Variants in ADGRL2 observed in about 807,000 individuals in gnomAD.
ADGRL2 encodes calcium-independent alpha-latrotoxin receptor 2.
A neutral mutation model predicts 157.4 loss-of-function variants in ADGRL2; 44 were observed. That is an observed-to-expected ratio of 0.28 (90% CI 0.22 to 0.36). The LOEUF is 0.36. ADGRL2 is among the 10% of genes least tolerant of loss of function. The pLI, the probability that ADGRL2 is intolerant of heterozygous loss-of-function variation, is 1.00. For synonymous variants in ADGRL2, 585 were observed against 624.7 expected (o/e 0.94, Z 0.95); for missense variants, 1,510 against 1,768.9 (o/e 0.85, Z 2.63).
intron 2 of ADGRL2, among the ~76,000 whole-genome samples, chr1:81,781,536 C>T (rs765428734): frequency 3.9e-5 from 6 of 152,116 alleles, no homozygotes; most frequent in Non-Finnish European, 5.9e-5. Flanking sequence ...TTTACTGTTA[C>T]GCACCTTAAG....
chr1:81,336,504 C>T (rs1488353173), intron 1 of ADGRL2, among the ~76,000 whole-genome samples: 1 of 152,058 alleles, frequency 6.6e-6, no homozygotes, highest in African/African-American at 2.4e-5. Flanking sequence ...TTCTTAATTG[C>T]ACTTGTAATA....
intron 1 of ADGRL2, among the ~76,000 whole-genome samples, chr1:81,426,052 G>A (rs2077209076): frequency 6.6e-6 from 1 of 151,982 alleles, no homozygotes; most frequent in African/African-American, 2.4e-5. Context: ...TTTGACCAAA[G>A]TTTCATGTGG....
At chr1:81,574,474 T>A (rs754116479) in intron 2 of ADGRL2, among the ~76,000 whole-genome samples, 1 of 152,130 alleles carries the variant, frequency 6.6e-6, no homozygotes, top group Non-Finnish European at 1.5e-5. Flanking sequence ...AATGGGCAAC[T>A]GGGACAGACT....
intron 3 of ADGRL2, among the ~76,000 whole-genome samples, chr1:81,581,538 G>A (rs1334132635): frequency 6.6e-6 from 1 of 152,130 alleles, no homozygotes; most frequent in African/African-American, 2.4e-5. Flanking sequence ...ATATGTGTTA[G>A]ATTTGATTTG....
intron 1 of ADGRL2, among the ~76,000 whole-genome samples, chr1:81,736,041 G>C (rs532692059): frequency 2.0e-5 from 3 of 151,516 alleles, no homozygotes; most frequent in African/African-American, 4.9e-5. Flanking sequence ...TACTAGGGAG[G>C]CTGAGGCAGG....
chr1:81,586,386 A>T (rs1447586464), intron 3 of ADGRL2: 1 of 151,366 alleles, frequency 6.6e-6, no homozygotes, highest in African/African-American at 2.4e-5. Flanking sequence ...GGCTGGAGGA[A>T]AAAAAAAATG....
At chr1:81,958,339 G>A (rs1274777694) in intron 11 of ADGRL2, among the ~76,000 whole-genome samples, 2 of 151,858 alleles carry the variant, frequency 1.3e-5, no homozygotes, top group Non-Finnish European at 1.5e-5. Flanking sequence ...TGGGGGTGGG[G>A]GGAAGGGCCC....
chr1:81,791,807 C>A (rs1467901468), intron 2 of ADGRL2, among the ~76,000 whole-genome samples: 1 of 151,940 alleles, frequency 6.6e-6, no homozygotes, highest in East Asian at 1.9e-4. Context: ...TCCTTGTTTT[C>A]ATTATTTTTC....
chr1:81,776,177 G>A (rs1026924042), intron 2 of ADGRL2, among the ~76,000 whole-genome samples: 6 of 148,220 alleles, frequency 4.0e-5, no homozygotes, highest in Admixed American at 1.4e-4. Flanking sequence ...CTGTGCCTCA[G>A]AGTACCTTAA....
intron 2 of ADGRL2, among the ~76,000 whole-genome samples, chr1:81,859,627 C>T (rs1423308620): frequency 6.6e-6 from 1 of 151,930 alleles, no homozygotes; most frequent in Non-Finnish European, 1.5e-5. Context: ...AGGCTAGGCT[C>T]AAAATCCTGA....
intron 1 of ADGRL2, among the ~76,000 whole-genome samples, chr1:81,720,270 C>T (rs868522639): frequency 8.0e-5 from 12 of 150,252 alleles, no homozygotes; most frequent in African/African-American, 2.7e-4. Flanking sequence ...ACAACCTCTG[C>T]CTCCCAGGTT....
At chr1:81,541,843 A>T (rs986704951) in intron 2 of ADGRL2, among the ~76,000 whole-genome samples, 5 of 151,588 alleles carry the variant, frequency 3.3e-5, no homozygotes, top group African/African-American at 1.2e-4. Flanking sequence ...CTGTAAGCCC[A>T]GCTACTCGGG....
At chr1:81,791,759 A>G (rs2087359061) in intron 2 of ADGRL2, among the ~76,000 whole-genome samples, 1 of 152,200 alleles carries the variant, frequency 6.6e-6, no homozygotes, top group Non-Finnish European at 1.5e-5. Flanking sequence ...AACTTGTCAT[A>G]AATTTATTCT....
At chr1:81,826,866 C>A (rs2091529420) in intron 1 of ADGRL2, among the ~76,000 whole-genome samples, 1 of 152,086 alleles carries the variant, frequency 6.6e-6, no homozygotes, top group African/African-American at 2.4e-5. Flanking sequence ...AAATTTGTAA[C>A]CTTCTCCACT....
chr1:81,440,355 C>A (rs529838948), intron 1 of ADGRL2, among the ~76,000 whole-genome samples: 1 of 152,162 alleles, frequency 6.6e-6, no homozygotes, highest in African/African-American at 2.4e-5. Flanking sequence ...CATAAATTAG[C>A]CGCTGTGAAG....
At chr1:81,772,495 G>A (rs1238707701) in intron 2 of ADGRL2, among the ~76,000 whole-genome samples, 2 of 152,018 alleles carry the variant, frequency 1.3e-5, no homozygotes, top group African/African-American at 4.8e-5. Context: ...GTGGGAGGCC[G>A]AGGCGGGTAG....
chr1:81,758,201 A>G (rs1447797210), intron 1 of ADGRL2, among the ~76,000 whole-genome samples: 9 of 152,058 alleles, frequency 5.9e-5, no homozygotes, highest in Non-Finnish European at 1.2e-4. Flanking sequence ...CCCTTAATTG[A>G]GCAATTATTA....
At chr1:81,384,064 CA>C (rs1197244667) in intron 1 of ADGRL2, among the ~76,000 whole-genome samples, 16 of 152,066 alleles carry the variant, frequency 1.1e-4, no homozygotes, top group African/African-American at 3.6e-4. Flanking sequence ...GCACAAACTC[CA>C]CTCCATTTTC....
At chr1:81,752,617 G>C (rs1260998720) in intron 1 of ADGRL2, among the ~76,000 whole-genome samples, 2 of 152,042 alleles carry the variant, frequency 1.3e-5, no homozygotes, top group African/African-American at 2.4e-5. Context: ...CAACATTCCT[G>C]GTCTCAGGTG....
Sources: allele counts gnomAD v4.1 joint callset (sites outside exome capture counted in the v4.1 genomes callset), GRCh38; gene constraint gnomAD v4.1.1; transcripts MANE v1.5; gene names NCBI Gene and HGNC (gene_info 2026-07-23, HGNC 2026-07-21).